PLCE1: variants seen among roughly 807,000 people sequenced by gnomAD.
The protein encoded by PLCE1 is 1-phosphatidylinositol 4,5-bisphosphate phosphodiesterase epsilon-1.
Under a neutral mutation model 242.8 loss-of-function variants are expected in PLCE1, and 119 were observed. The observed-to-expected ratio is 0.49, with a 90% confidence interval of 0.42 to 0.57. The LOEUF (loss-of-function observed/expected upper bound fraction) is 0.57. Among genes scored for constraint, PLCE1 ranks in the 20% least tolerant of loss-of-function variants. The probability of loss-of-function intolerance (pLI) is 0.00; values close to 1 mark genes in which losing one functional copy is unlikely to be tolerated. For missense variants in PLCE1, 2,441 were observed against 2,788.8 expected, an observed-to-expected ratio of 0.88 and a Z score of 2.81; for synonymous variants, 945 against 1,017.4, an observed-to-expected ratio of 0.93 and a Z score of 1.35.
At chr10:94,327,865 C>T (rs552901819) in intron 32 of PLCE1, 103 bp from the exon 33 acceptor site, 32 of 399,082 alleles carry the variant, frequency 8.0e-5, no homozygotes, top group South Asian at 6.2e-4. Flanking sequence ...CAAACCTAGC[C>T]ACTAGAGCTG....
At chr10:94,262,869 TTTTG>T in intron 14 of PLCE1, 137 bp downstream of exon 14, 1 of 769,268 alleles carries the variant, frequency 1.3e-6, no homozygotes, top group Non-Finnish European at 2.3e-6. Flanking sequence ...TTGTTTTTTT[TTTTG>T]TTTTTTTGGG....
chr10:94,003,624 G>T (rs2060975851), intron 1 of PLCE1, among the ~76,000 whole-genome samples: 1 of 152,084 alleles, frequency 6.6e-6, no homozygotes, highest in Non-Finnish European at 1.5e-5. Context: ...TCCTGAGTGT[G>T]CATAGATTGA....
In PLCE1 at chr10:94,317,909, C is replaced by T. The variant is rs111645456; in HGVS notation, c.6342+1153C>T. 6.2e-3 allele frequency among the ~76,000 whole-genome samples: 939 copies of T among 152,340 alleles called. 15 individuals carry two copies. The highest frequency in any genetic ancestry group is 0.022 in the African/African-American group (902 of 41,570). ...CACCTAATATGTACCAAGCCCTGTTCTGGGCACATGATCTGCTCCTTTGGG... is the reference window on the plus strand; with the variant it reads ...CACCTAATATGTACCAAGCCCTGTTTTGGGCACATGATCTGCTCCTTTGGG... On this transcript the variant is annotated intron_variant, in intron 29 of 32. Coordinates refer to ENST00000371380, the MANE Select transcript of PLCE1 (RefSeq NM_016341.4).
intron 2 of PLCE1, among the ~76,000 whole-genome samples, chr10:94,079,758 G>T (rs2044604367): frequency 1.3e-5 from 2 of 152,160 alleles, no homozygotes; most frequent in South Asian, 4.2e-4. Context: ...CTTAGCCTGG[G>T]GTAGAGTCCA....
intron 2 of PLCE1, among the ~76,000 whole-genome samples, chr10:94,058,767 G>A (rs755944146): frequency 6.6e-6 from 1 of 152,116 alleles, no homozygotes; most frequent in Non-Finnish European, 1.5e-5. Context: ...TAAAGCCTCA[G>A]TTCTAACATT....
intron 14 of PLCE1, among the ~76,000 whole-genome samples, chr10:94,264,497 G>C (rs2051435073): frequency 6.6e-6 from 1 of 150,558 alleles, no homozygotes; most frequent in African/African-American, 2.4e-5. Flanking sequence ...TTGAGCAGGG[G>C]AGTAACATGA....
chr10:94,151,671 G>A (rs1590132405), intron 3 of PLCE1, among the ~76,000 whole-genome samples: 1 of 152,136 alleles, frequency 6.6e-6, no homozygotes, highest in African/African-American at 2.4e-5. Flanking sequence ...AGAGGGGTGT[G>A]CAAAGGACTG....
intron 1 of PLCE1, among the ~76,000 whole-genome samples, chr10:94,021,897 T>C (rs529147600): frequency 6.6e-6 from 1 of 152,086 alleles, no homozygotes; most frequent in Non-Finnish European, 1.5e-5. Context: ...GAACACAAGA[T>C]AAAATCTTCA....
At chr10:94,263,168 C>A (rs753703185) in intron 14 of PLCE1, among the ~76,000 whole-genome samples, 4 of 152,204 alleles carry the variant, frequency 2.6e-5, no homozygotes, top group South Asian at 4.1e-4. Flanking sequence ...CTGCGCCCGA[C>A]CTTGTTTTGT....
chr10:94,231,331 A>G (rs1409562697), intron 5 of PLCE1, among the ~76,000 whole-genome samples: 9 of 152,150 alleles, frequency 5.9e-5, no homozygotes, highest in Admixed American at 5.9e-4. Context: ...CCTCCACTTC[A>G]TTCCCCAAAA....
chr10:94,324,336 A>G lies in PLCE1; in HGVS notation c.6502-13A>G. ...CTGTGTCTTTATTCAGTTGATCATA[A>G]CTTACCTTTCAGACCTTATGCAAAG... On this transcript the variant is annotated splice_polypyrimidine_tract_variant and intron_variant, in intron 30 of 32. Coordinates refer to ENST00000371380, the MANE Select transcript of PLCE1 (RefSeq NM_016341.4). 2 of 1,599,624 alleles carry G rather than the reference A, an allele frequency of 1.3e-6. No individual in the cohort carries two copies. The highest frequency in any genetic ancestry group is 1.7e-6 in the Non-Finnish European group (2 of 1,166,844).
At position 94,318,756 on chromosome 10, in the gene PLCE1, C is replaced by G. The variant is rs1326963536; in HGVS notation, c.6342+2000C>G. 2.0e-5 allele frequency among the ~76,000 whole-genome samples: 3 copies of G among 152,266 alleles called. No homozygotes were observed. In the East Asian group the frequency reaches 5.8e-4, roughly 29 times the overall value. ...TGGGGAGGTGAGGGACACCCAAATG[C>G]AATTTAAATGTATACCACAACAAGC... On this transcript the variant is annotated intron_variant, in intron 29 of 32. Transcript: ENST00000371380.
intron 2 of PLCE1, among the ~76,000 whole-genome samples, chr10:94,054,218 C>A (rs754490858): frequency 6.6e-6 from 1 of 152,144 alleles, no homozygotes; most frequent in Non-Finnish European, 1.5e-5. Flanking sequence ...GTACATAATG[C>A]GGTGGTCTGC....
intron 3 of PLCE1, 22 bp downstream of exon 3, chr10:94,132,481 T>C (rs757345644): frequency 1.2e-6 from 2 of 1,608,940 alleles, no homozygotes; most frequent in Admixed American, 3.3e-5. Context: ...AATTTCACTT[T>C]TAACTTTCTA....
At position 94,234,492 on chromosome 10, in the gene PLCE1, G is replaced by A. The variant is rs756346437; in HGVS notation, c.2214+180G>A. Among the ~76,000 whole-genome samples the A allele has an allele frequency of 5.9e-5, 9 of 152,182 alleles. No individual in the cohort carries two copies. The East Asian group carries it at 1.3e-3, about 23-fold the overall frequency. ...TCTGTAGAAAAGAATGCCAACTAGC[G>A]CTGTGTGGGACATAGTATTGTGAAG... On this transcript the variant is annotated intron_variant, in intron 6 of 32. Transcript: ENST00000371380.
chr10:94,013,975 C>T (rs2061223871), intron 1 of PLCE1, among the ~76,000 whole-genome samples: 1 of 152,070 alleles, frequency 6.6e-6, no homozygotes, highest in South Asian at 2.1e-4. Flanking sequence ...ATGTTAGGGA[C>T]TGGACATTGG....
At chr10:94,091,063 G>A (rs1431156602) in intron 2 of PLCE1, among the ~76,000 whole-genome samples, 1 of 152,002 alleles carries the variant, frequency 6.6e-6, no homozygotes, top group African/African-American at 2.4e-5. Context: ...ATAATTTTTT[G>A]TCAGTGTATT....
intron 1 of PLCE1, among the ~76,000 whole-genome samples, chr10:94,024,188 T>C (rs2061421749): frequency 6.6e-6 from 1 of 152,198 alleles, no homozygotes; most frequent in Non-Finnish European, 1.5e-5. Context: ...ATCTCTTTGC[T>C]GAGTGGGCCT....
At chr10:94,133,568 C>T (rs2046674192) in intron 3 of PLCE1, among the ~76,000 whole-genome samples, 1 of 152,200 alleles carries the variant, frequency 6.6e-6, no homozygotes, top group African/African-American at 2.4e-5. Flanking sequence ...AGGCCAATGA[C>T]CTTCCTCCTT....
Sources: gnomAD v4.1 joint callset for allele counts (sites outside exome capture counted in the v4.1 genomes callset) on GRCh38, gnomAD v4.1.1 for gene constraint, MANE v1.5 for transcripts, NCBI Gene and HGNC (gene_info 2026-07-23, HGNC 2026-07-21) for gene names.